Variants in MAML2 observed in about 807,000 individuals in gnomAD.
The protein encoded by MAML2 is mastermind-like protein 2.
A neutral mutation model predicts 96.1 loss-of-function variants in MAML2; 22 were observed. The ratio of observed to expected loss-of-function variants is 0.23; its 90% CI spans 0.16 to 0.33. The LOEUF (loss-of-function observed/expected upper bound fraction) is 0.33, where lower values mean the gene tolerates loss of function less well. MAML2 is among the 10% of genes least tolerant of loss of function. The probability of loss-of-function intolerance (pLI) is 1.00; values close to 1 mark genes in which losing one functional copy is unlikely to be tolerated. For missense variants in MAML2, 1,367 were observed against 1,392.4 expected, an observed-to-expected ratio of 0.98 and a Z score of 0.29; for synonymous variants, 561 against 521.3, an observed-to-expected ratio of 1.08 and a Z score of -1.04.
rs566462857 is a variant in MAML2 at position 96,061,972 on chromosome 11, C to G, written c.2139+29920G>C. On this transcript the variant is annotated intron_variant, in intron 2 of 4. Transcript: ENST00000524717. The stretch of plus-strand genomic sequence containing the variant: ...TGAATATAAACCACATAGCAAAATG[C>G]GAAACTATCATACTATGAGAGACGA... Among the ~76,000 whole-genome samples, 3 of 152,030 alleles carry G rather than the reference C, an allele frequency of 2.0e-5. No homozygotes were observed. The East Asian group carries it at 5.8e-4, about 29-fold the overall frequency.
intron 2 of MAML2, among the ~76,000 whole-genome samples, chr11:96,011,526 A>T (rs1858266251): frequency 6.6e-6 from 1 of 152,136 alleles, no homozygotes. Flanking sequence ...TTGAGTACAC[A>T]TGGACATAAA....
chr11:95,988,905 T>C (rs908587641), intron 3 of MAML2, among the ~76,000 whole-genome samples: 14 of 152,218 alleles, frequency 9.2e-5, no homozygotes, highest in African/African-American at 2.9e-4. Context: ...AAACCCATTA[T>C]AGAAATCATC....
rs1301965471 is a variant in MAML2, at chr11:95,978,987, T to A, written c.3432A>T (p.Lys1144Asn). Residue 1144 changes from lysine (K) to asparagine (N), a missense_variant, in exon 5 of 5, where the codon AAA (lysine) becomes AAT (asparagine). Transcript: ENST00000524717. The stretch of plus-strand genomic sequence containing the variant: ...CCAAGATTTCATCAAGATTGATGTC[T>A]TTCATCCAGTCATCATTACCAGGCT... ...KTEPGNDDWMKDINLDEILGN... is the reference protein window; with the variant it reads ...KTEPGNDDWMNDINLDEILGN... 6.2e-7 allele frequency: 1 copy of A among 1,613,026 alleles called. No homozygotes were observed. Among genetic ancestry groups the A allele is most frequent in the East Asian group, 2.2e-5 (1 of 44,890 alleles).
intron 2 of MAML2, among the ~76,000 whole-genome samples, chr11:95,998,978 T>C (rs1159292930): frequency 2.0e-5 from 3 of 152,168 alleles, no homozygotes; most frequent in African/African-American, 7.2e-5. Context: ...ATGAACTCTT[T>C]TAAATGGGTA....
chr11:96,039,688 T>TGTA (rs148268276), intron 2 of MAML2, among the ~76,000 whole-genome samples: 14,248 of 152,166 alleles, frequency 0.094, 949 homozygotes, highest in East Asian at 0.26. Flanking sequence ...GGCTCACGCC[T>TGTA]GTAATCCCAG....
At chr11:96,139,273 C>G (rs886335469) in intron 1 of MAML2, among the ~76,000 whole-genome samples, 4 of 151,956 alleles carry the variant, frequency 2.6e-5, no homozygotes, top group Non-Finnish European at 4.4e-5. Flanking sequence ...GTCAGGAGAT[C>G]GAGACCATCC....
rs981881759 is a variant in MAML2, at chr11:96,253,484, C to T, written c.513+87899G>A. On this transcript the variant is annotated intron_variant, in intron 1 of 4. Transcript: ENST00000524717. ...GTCATTTACTCAAAACAGAATATCT[C>T]CCATGCCATCTTGTTTACGAAGCAG... 9.8e-5 allele frequency among the ~76,000 whole-genome samples: 15 copies of T among 152,314 alleles called. No homozygotes were observed. In the Middle Eastern group the frequency reaches 0.01, roughly 104 times the overall value.
chr11:96,288,136 T>C (rs1386546959), intron 1 of MAML2, among the ~76,000 whole-genome samples: 1 of 152,174 alleles, frequency 6.6e-6, no homozygotes, highest in Non-Finnish European at 1.5e-5. Flanking sequence ...ATGGAAATAG[T>C]TGATGCAAAA....
At chr11:96,204,250 TTAAA>T (rs1468329556) in intron 1 of MAML2, among the ~76,000 whole-genome samples, 2 of 152,296 alleles carry the variant, frequency 1.3e-5, no homozygotes, top group South Asian at 2.1e-4. Flanking sequence ...CCCAAGTTAA[TTAAA>T]TAGTCATTCA....
chr11:95,980,328 C>T lies in MAML2; in HGVS notation c.2456-365G>A, dbSNP rs1188114990. ...AGACTACAGTCTTGATTAGTCAGCT[C>T]TCATGAAATCCATGTTACTGTTTAC... is the stretch of plus-strand genomic sequence containing the variant. On this transcript the variant is annotated intron_variant, in intron 4 of 4. Coordinates refer to ENST00000524717, the MANE Select transcript of MAML2 (RefSeq NM_032427.4). Among the ~76,000 whole-genome samples, 5 of 152,114 alleles carry T rather than the reference C, an allele frequency of 3.3e-5. No individual in the cohort carries two copies. In the South Asian group the frequency reaches 8.3e-4, roughly 25 times the overall value.
At position 96,111,648 on chromosome 11, in the gene MAML2, A is replaced by G. The variant is rs141327054; in HGVS notation, c.514-18131T>C. Among the ~76,000 whole-genome samples the G allele has an allele frequency of 1.3e-3, 200 of 152,372 alleles. 1 individual carries two copies. Among genetic ancestry groups the G allele is most frequent in the African/African-American group, 4.6e-3 (190 of 41,590 alleles). Reference sequence around the variant, plus strand: ...GTGAGGTTTTTAAGTAAGATGCTGCATACGCATAACCTCTAGGTGCTTGAC... The same window carrying G: ...GTGAGGTTTTTAAGTAAGATGCTGCGTACGCATAACCTCTAGGTGCTTGAC... On this transcript the variant is annotated intron_variant, in intron 1 of 4. Transcript: ENST00000524717.
chr11:96,240,472 C>T (rs994988237), intron 1 of MAML2, among the ~76,000 whole-genome samples: 4 of 140,496 alleles, frequency 2.8e-5, no homozygotes, highest in East Asian at 4.6e-4. Context: ...ATGGCGTGAA[C>T]CCCGGGAGGC....
chr11:96,211,708 A>G (rs1861974804), intron 1 of MAML2, among the ~76,000 whole-genome samples: 1 of 152,206 alleles, frequency 6.6e-6, no homozygotes, highest in Admixed American at 6.5e-5. Flanking sequence ...CAGGGTACCT[A>G]GTGGAGCAGA....
intron 2 of MAML2, among the ~76,000 whole-genome samples, chr11:95,997,778 C>T (rs2135714873): frequency 6.6e-6 from 1 of 152,292 alleles, no homozygotes; most frequent in Admixed American, 6.5e-5. Flanking sequence ...CACTGGTGAG[C>T]ATCCTCTTCT....
intron 1 of MAML2, among the ~76,000 whole-genome samples, chr11:96,239,726 C>G (rs1862407774): frequency 6.6e-6 from 1 of 152,074 alleles, no homozygotes; most frequent in Non-Finnish European, 1.5e-5. Flanking sequence ...ATAATAGCAC[C>G]CATGTCATAG....
Position 96,297,286 on chromosome 11 carries a change from A to G in MAML2, c.513+44097T>C, listed in dbSNP as rs1436231163. On this transcript the variant is annotated intron_variant, in intron 1 of 4. Transcript: ENST00000524717. ...ATTTGAGACTTTAATTAAAACAGAG[A>G]ACATAAGGCCAGACATAGTGGCTTA... Among the ~76,000 whole-genome samples the G allele has an allele frequency of 7.2e-5, 11 of 152,326 alleles. No homozygotes were observed. The East Asian group carries it at 2.1e-3, about 29-fold the overall frequency.
chr11:96,056,027 C>T (rs1249599551), intron 2 of MAML2, among the ~76,000 whole-genome samples: 2 of 152,142 alleles, frequency 1.3e-5, no homozygotes, highest in African/African-American at 4.8e-5. Flanking sequence ...GTGGCCATGA[C>T]AAAAGCAATG....
chr11:96,068,438 T>TCACTCACACACACACACACACA (rs1555004090), intron 2 of MAML2, among the ~76,000 whole-genome samples: 5 of 120,292 alleles, frequency 4.2e-5, no homozygotes, highest in Admixed American at 8.8e-5. Context: ...GGAGCTTACT[T>TCACTCACACACACACACACACA]CACACACACA....
intron 1 of MAML2, among the ~76,000 whole-genome samples, chr11:96,138,058 C>T (rs566783491): frequency 1.8e-4 from 27 of 152,084 alleles, no homozygotes; most frequent in Admixed American, 6.5e-4. Context: ...GCTAACTTGG[C>T]GTTATTAGGG....
Sources: allele counts gnomAD v4.1 joint callset (sites outside exome capture counted in the v4.1 genomes callset), GRCh38; gene constraint gnomAD v4.1.1; transcripts MANE v1.5; gene names NCBI Gene and HGNC (gene_info 2026-07-23, HGNC 2026-07-21).